IP6K3: variants seen among roughly 807,000 people sequenced by gnomAD.
IP6K3 encodes the protein inositol hexakisphosphate kinase 3.
Under a neutral mutation model 28.8 loss-of-function variants are expected in IP6K3, and 20 were observed. The ratio of observed to expected loss-of-function variants is 0.70; its 90% CI spans 0.49 to 1.01. The LOEUF (loss-of-function observed/expected upper bound fraction) is 1.01. Ranked by LOEUF, IP6K3 falls within the 50% of genes least tolerant of loss-of-function variation. The pLI is 0.00. For synonymous variants in IP6K3, 213 were observed against 221.3 expected (o/e 0.96, Z 0.33); for missense variants, 480 against 537.1 (o/e 0.89, Z 1.05).
At chr6:33,757,870 A>C in the IP6K3 span, among the ~76,000 whole-genome samples, 1 of 152,218 alleles carries the variant, frequency 6.6e-6, no homozygotes, top group African/African-American at 2.4e-5. Context: ...CCGGCCATCA[A>C]GGGATCCAAC....
chr6:33,723,158 G>A lies in IP6K3; in HGVS notation c.795C>T (p.Leu265=). ...QVYQTDKKYF[L]CKDKYYGRKL... is the part of the protein sequence containing the mutation. ...TTCTTCCATAGTACTTGTCTTTGCA[G>A]AGAAAGTACTTCTTATCTGTTTGAT... Residue 265 remains leucine, a synonymous_variant, in exon 6 of 6, where the codon CTC becomes CTT. Coordinates refer to ENST00000293756, the MANE Select transcript of IP6K3 (RefSeq NM_054111.5). The A allele has an allele frequency of 3.8e-6, 6 of 1,595,398 alleles. No homozygotes were observed. Among genetic ancestry groups the A allele is most frequent in the Non-Finnish European group, 5.1e-6 (6 of 1,170,690 alleles).
At chr6:33,754,663 T>C in the IP6K3 span, among the ~76,000 whole-genome samples, 2 of 152,106 alleles carry the variant, frequency 1.3e-5, no homozygotes, top group Non-Finnish European at 2.9e-5. Context: ...GAATTTGTTC[T>C]CTGGGCATCC....
chr6:33,733,225 G>A (rs1766378740), intron 2 of IP6K3, among the ~76,000 whole-genome samples: 1 of 152,258 alleles, frequency 6.6e-6, no homozygotes, highest in Non-Finnish European at 1.5e-5. Flanking sequence ...TGTAGCTATG[G>A]ATACAATTAG....
At chr6:33,749,732 G>C (rs2127370260), upstream of IP6K3, among the ~76,000 whole-genome samples, 1 of 151,842 alleles carries the variant, frequency 6.6e-6, no homozygotes. Flanking sequence ...GTTAGGGGGA[G>C]GGCCGGCCCT....
At chr6:33,753,030 A>G in the IP6K3 span, among the ~76,000 whole-genome samples, 72 of 152,272 alleles carry the variant, frequency 4.7e-4, 1 homozygote, top group South Asian at 0.012. Flanking sequence ...TGCAGGGCTC[A>G]AGTGATCTTC....
Position 33,741,598 on chromosome 6 carries a change from A to T in IP6K3, c.-180+5160T>A, listed in dbSNP as rs1282840408. 2.2e-5 allele frequency among the ~76,000 whole-genome samples: 3 copies of T among 133,612 alleles called. No homozygotes were observed. The East Asian group carries it at 7.0e-4, about 31-fold the overall frequency. The allele number at this position is 133,612 out of a possible 152,430, so 87.7% of individuals were successfully genotyped here. On this transcript the variant is annotated intron_variant, in intron 1 of 5. Coordinates refer to ENST00000293756, the MANE Select transcript of IP6K3 (RefSeq NM_054111.5). ...GAGGTGGAGGTTGCAGTGAGCCAAG[A>T]TCATGTCATTGCACTCCAGCTTGGG...
intron 1 of IP6K3, among the ~76,000 whole-genome samples, chr6:33,736,483 C>A (rs962867046): frequency 1.3e-5 from 2 of 152,118 alleles, no homozygotes; most frequent in African/African-American, 4.8e-5. Flanking sequence ...CGGCTCACTG[C>A]AACTTTTGCC....
chr6:33,749,686 C>T (rs1363181021), upstream of IP6K3, among the ~76,000 whole-genome samples: 2 of 151,680 alleles, frequency 1.3e-5, no homozygotes, highest in Non-Finnish European at 2.9e-5. Context: ...AGGGGAGCCA[C>T]CATGCCCACC....
At chr6:33,756,802 C>A in the IP6K3 span, among the ~76,000 whole-genome samples, 2 of 152,152 alleles carry the variant, frequency 1.3e-5, no homozygotes. Flanking sequence ...AGCCTAAGAG[C>A]ACACAGCTAG....
At chr6:33,758,455 G>C in the IP6K3 span, among the ~76,000 whole-genome samples, 8 of 152,190 alleles carry the variant, frequency 5.3e-5, no homozygotes, top group Admixed American at 3.3e-4. Context: ...GAGCCCGGGA[G>C]GTTGAGGCTG....
the IP6K3 span, among the ~76,000 whole-genome samples, chr6:33,754,197 G>A: frequency 2.6e-5 from 4 of 152,096 alleles, no homozygotes; most frequent in Admixed American, 6.5e-5. Context: ...CAGCTGGGCC[G>A]GGGGAGAGCC....
intron 1 of IP6K3, among the ~76,000 whole-genome samples, chr6:33,741,665 A>AAC (rs1766727397): frequency 7.5e-6 from 1 of 133,994 alleles, no homozygotes; most frequent in African/African-American, 2.6e-5. Flanking sequence ...AAAAAAAAAA[A>AAC]AAAAAGCCGG....
chr6:33,723,116 C>G lies in IP6K3; in HGVS notation c.837G>C (p.Gly279=). 6.2e-7 allele frequency: 1 copy of G among 1,614,102 alleles called. No individual in the cohort carries two copies. The highest frequency in any genetic ancestry group is 8.5e-7 in the Non-Finnish European group (1 of 1,179,980). ...KYYGRKLSVE[G]FRQALYQFLH... is the part of the protein sequence containing the mutation. ...GGAACTGATAGAGGGCTTGTCTGAA[C>G]CCCTCCACTGAGAGTTTTCTTCCAT... Residue 279 remains glycine (G), a synonymous_variant, in exon 6 of 6, where the codon GGG becomes GGC. Transcript: ENST00000293756.
rs1370900908 is a variant in IP6K3 at position 33,723,739 on chromosome 6, G to A, written c.766-552C>T. ...AAGATAAAAAGACAGGCTAGGTCAG[G>A]TGTGGACAGGGTTTCTAGGCAGCCA... On this transcript the variant is annotated intron_variant, in intron 5 of 5. Transcript: ENST00000293756. Among the ~76,000 whole-genome samples the A allele has an allele frequency of 2.6e-5, 4 of 152,382 alleles. No homozygotes were observed. In the Middle Eastern group the frequency reaches 0.01, roughly 389 times the overall value.
intron 3 of IP6K3, 39 bp from the exon 4 acceptor site, chr6:33,726,945 T>C (rs552103707): frequency 1.3e-6 from 2 of 1,527,690 alleles, no homozygotes; most frequent in Non-Finnish European, 1.8e-6. Flanking sequence ...AGAGCAGAGG[T>C]CTGGGGAAGG....
At chr6:33,725,840 G>A (rs747571748) in intron 4 of IP6K3, among the ~76,000 whole-genome samples, 3 of 152,186 alleles carry the variant, frequency 2.0e-5, no homozygotes, top group Non-Finnish European at 4.4e-5. Flanking sequence ...GAGTTTATGA[G>A]TATGTGAGCT....
chr6:33,757,529 T>C, the IP6K3 span, among the ~76,000 whole-genome samples: 1 of 152,206 alleles, frequency 6.6e-6, no homozygotes, highest in African/African-American at 2.4e-5. Context: ...GTGAGCTTTT[T>C]GAGGGTAGAG....
rs1766089387 is a variant in IP6K3 at position 33,725,755 on chromosome 6, C to T, written c.590-139G>A. 7 of 636,936 alleles carry T rather than the reference C, an allele frequency of 1.1e-5. No individual in the cohort carries two copies. The South Asian group carries it at 1.6e-4, about 15-fold the overall frequency. The allele number at this position is 636,936 out of a possible 1,614,324, so 39.5% of individuals were successfully genotyped here. A position where few individuals can be genotyped will look rare whatever the true frequency, so the allele number is the denominator to read the frequency against. ...TCACTCCCATTGCCTTCCTTACAGA[C>T]AAGCTCATCCTTGCTATTAAGAATT... is the stretch of plus-strand genomic sequence containing the variant. On this transcript the variant is annotated intron_variant, in intron 4 of 5. Transcript: ENST00000293756.
rs571365623 is a variant in IP6K3 at position 33,737,790 on chromosome 6, C to T, written c.-179-2135G>A. Among the ~76,000 whole-genome samples, 358 of 152,104 alleles carry T rather than the reference C, an allele frequency of 2.4e-3. 1 individual carries two copies. The highest frequency in any genetic ancestry group is 8.5e-3 in the African/African-American group (351 of 41,512). On this transcript the variant is annotated intron_variant, in intron 1 of 5. Coordinates refer to ENST00000293756, the MANE Select transcript of IP6K3 (RefSeq NM_054111.5). ...AGTGACTGGGTGAACCGGGGCTGCT[C>T]GGGTGGGAGGATGGAGGCCTAATGG... is the stretch of plus-strand genomic sequence containing the variant.
Sources: gnomAD v4.1 joint callset for allele counts (sites outside exome capture counted in the v4.1 genomes callset) on GRCh38, gnomAD v4.1.1 for gene constraint, MANE v1.5 for transcripts, NCBI Gene and HGNC (gene_info 2026-07-23, HGNC 2026-07-21) for gene names.